Variants in PLEKHA7 observed in about 807,000 individuals in gnomAD.
PLEKHA7 encodes the protein pleckstrin homology domain containing A7.
A neutral mutation model predicts 170.0 loss-of-function variants in PLEKHA7; 104 were observed. The ratio of observed to expected loss-of-function variants is 0.61; its 90% confidence interval spans 0.52 to 0.72. The LOEUF (loss-of-function observed/expected upper bound fraction) is 0.72. PLEKHA7 is among the 30% of genes least tolerant of loss of function. The pLI is 0.00. For synonymous variants in PLEKHA7, 648 were observed against 660.8 expected (o/e 0.98, Z 0.30); for missense variants, 1,615 against 1,671.7 (o/e 0.97, Z 0.59).
At chr11:16,825,173 A>G (rs1224633114) in intron 10 of PLEKHA7, among the ~76,000 whole-genome samples, 2 of 152,272 alleles carry the variant, frequency 1.3e-5, no homozygotes, top group Admixed American at 6.5e-5. Context: ...AGCAACGTAC[A>G]TATGCATAAC....
intron 3 of PLEKHA7, among the ~76,000 whole-genome samples, chr11:16,952,609 C>T (rs1009081866): frequency 6.6e-6 from 1 of 151,912 alleles, no homozygotes; most frequent in African/African-American, 2.4e-5. Flanking sequence ...CGTCATAATA[C>T]AGGTGGAGTG....
chr11:16,928,163 CAG>C (rs1358872812), intron 3 of PLEKHA7, among the ~76,000 whole-genome samples: 1 of 152,098 alleles, frequency 6.6e-6, no homozygotes, highest in African/African-American at 2.4e-5. Flanking sequence ...AACATTAAAA[CAG>C]AATGTGACGG....
At chr11:16,794,436 C>A in intron 19 of PLEKHA7, 52 bp downstream of exon 19, 1 of 1,541,500 alleles carries the variant, frequency 6.5e-7, no homozygotes, top group Non-Finnish European at 9.0e-7. Flanking sequence ...AGAAGGTAAT[C>A]TGAGGACAGA....
intron 6 of PLEKHA7, among the ~76,000 whole-genome samples, chr11:16,854,332 T>C (rs1853245012): frequency 6.6e-6 from 1 of 152,036 alleles, no homozygotes; most frequent in African/African-American, 2.4e-5. Flanking sequence ...GAGAATCTGG[T>C]GATAGTGCTG....
intron 3 of PLEKHA7, among the ~76,000 whole-genome samples, chr11:16,988,368 G>A (rs1863853851): frequency 6.6e-6 from 1 of 152,178 alleles, no homozygotes; most frequent in African/African-American, 2.4e-5. Context: ...GCAGAGGAAT[G>A]GCAGAAGGCA....
At chr11:16,782,076 G>A (rs1473406207) in intron 26 of PLEKHA7, among the ~76,000 whole-genome samples, 2 of 151,372 alleles carry the variant, frequency 1.3e-5, no homozygotes, top group Admixed American at 6.6e-5. Flanking sequence ...TTTATACACA[G>A]ACACACACAC....
In PLEKHA7 at chr11:16,974,626, GTTTTT is replaced by G. The variant is rs397965149; in HGVS notation, c.221+39358_221+39362del. Reference sequence around the variant, plus strand: ...TACAGACCTCACAGAGATTTCACAGGTTTTTTTTTTTTTTTTTTTTGAACATAAAC... The same window carrying G: ...TACAGACCTCACAGAGATTTCACAGGTTTTTTTTTTTTTTTGAACATAAAC... On this transcript the variant is annotated intron_variant, in intron 3 of 26. Coordinates refer to ENST00000531066, the MANE Select transcript of PLEKHA7 (RefSeq NM_001329630.2). The G allele has an allele frequency of 3.8e-3, 569 of 149,038 alleles. 39 individuals carry two copies. Among genetic ancestry groups the G allele is most frequent in the African/African-American group, 8.7e-3 (120 of 13,724 alleles). 9.2% of individuals were successfully genotyped at this position (149,038 alleles called of 1,614,324 possible).
intron 3 of PLEKHA7, among the ~76,000 whole-genome samples, chr11:16,877,876 T>G (rs189536502): frequency 6.6e-6 from 1 of 152,228 alleles, no homozygotes; most frequent in African/African-American, 2.4e-5. Flanking sequence ...GTTGTTGTGA[T>G]GATAAAATGA....
intron 26 of PLEKHA7, among the ~76,000 whole-genome samples, chr11:16,779,474 C>T (rs1420047276): frequency 6.6e-6 from 1 of 152,184 alleles, no homozygotes; most frequent in Non-Finnish European, 1.5e-5. Flanking sequence ...GGCACCAAAA[C>T]CCAGGAGGAA....
intron 26 of PLEKHA7, among the ~76,000 whole-genome samples, chr11:16,781,564 AG>A (rs1450264286): frequency 6.6e-6 from 1 of 152,192 alleles, no homozygotes. Context: ...CCCTAATCCC[AG>A]AACACCACAC....
Position 16,791,361 on chromosome 11 carries a change from G to C in PLEKHA7, c.2746-162C>G, listed in dbSNP as rs975285237. On this transcript the variant is annotated intron_variant, in intron 19 of 26. Transcript: ENST00000531066. The surrounding 1 kb of genome is among the most constrained non-coding windows in gnomAD (Gnocchi z 4.5). ...GAGCACTCACACTTCCCCTGGCGGA[G>C]CAGTGAAGAAGGGACATGCTCTGCT... The C allele has an allele frequency of 1.7e-5, 11 of 664,370 alleles. No homozygotes were observed. The highest frequency in any genetic ancestry group is 2.6e-5 in the Non-Finnish European group (10 of 387,532). The allele number at this position is 664,370 out of a possible 1,614,324, so 41.2% of individuals were successfully genotyped here. A position where few individuals can be genotyped will look rare whatever the true frequency, so the allele number is the denominator to read the frequency against.
chr11:16,913,260 A>G (rs972295793), intron 3 of PLEKHA7, among the ~76,000 whole-genome samples: 1 of 152,128 alleles, frequency 6.6e-6, no homozygotes. Flanking sequence ...TCCCCCAAAG[A>G]ATGAATCTGA....
intron 4 of PLEKHA7, among the ~76,000 whole-genome samples, chr11:16,857,673 G>A (rs1853581682): frequency 6.6e-6 from 1 of 152,232 alleles, no homozygotes; most frequent in Admixed American, 6.5e-5. Context: ...TAAAATTCAG[G>A]ACACAAGGTC....
chr11:16,888,745 G>A (rs572922682), intron 3 of PLEKHA7, among the ~76,000 whole-genome samples: 1 of 152,056 alleles, frequency 6.6e-6, no homozygotes, highest in South Asian at 2.1e-4. Context: ...GAAAACCAGA[G>A]ACCCTTGTTC....
In PLEKHA7 at chr11:16,831,359, C is replaced by T. The variant is rs543316998; in HGVS notation, c.873-4769G>A. On this transcript the variant is annotated intron_variant, in intron 9 of 26. Transcript: ENST00000531066. ...CACATGACCTCTCAAATTTGTGACA[C>T]TTGTCACAAAACAGATCTGCAATGC... Among the ~76,000 whole-genome samples the T allele has an allele frequency of 2.0e-5, 3 of 152,302 alleles. 1 individual carries two copies. In the East Asian group the frequency reaches 5.8e-4, roughly 29 times the overall value.
chr11:17,012,124 C>A (rs963478609), intron 3 of PLEKHA7, among the ~76,000 whole-genome samples: 1 of 152,210 alleles, frequency 6.6e-6, no homozygotes, highest in African/African-American at 2.4e-5. Context: ...CCTCCCCCTG[C>A]AGTGGCCACC....
intron 3 of PLEKHA7, among the ~76,000 whole-genome samples, chr11:16,929,560 T>C (rs1166724569): frequency 4.6e-5 from 7 of 152,240 alleles, no homozygotes; most frequent in Non-Finnish European, 8.8e-5. Flanking sequence ...AAGACTGGGC[T>C]CAGTAATAAC....
At position 16,826,479 on chromosome 11, in the gene PLEKHA7, G is replaced by A. The variant is rs754341131; in HGVS notation, c.984C>T (p.Gly328=). ...TCTCGAAGTTGACAATGTCATCATG[G>A]CCACGATGAGGACAATCTCTCGTAT... ...PGHTRDCPHR[G]HDDIVNFERQ... Residue 328 remains glycine, a synonymous_variant, in exon 10 of 27, where the codon GGC becomes GGT. Coordinates refer to ENST00000531066, the MANE Select transcript of PLEKHA7 (RefSeq NM_001329630.2). 1 of 1,614,216 alleles carries A rather than the reference G, an allele frequency of 6.2e-7. No homozygotes were observed. Among genetic ancestry groups the A allele is most frequent in the South Asian group, 1.1e-5 (1 of 91,084 alleles).
intron 3 of PLEKHA7, among the ~76,000 whole-genome samples, chr11:16,998,508 T>C (rs1864472068): frequency 6.6e-6 from 1 of 152,186 alleles, no homozygotes; most frequent in Non-Finnish European, 1.5e-5. Flanking sequence ...AATATCTATG[T>C]ATTCACAGAA....
Sources: gnomAD v4.1 joint callset for allele counts (sites outside exome capture counted in the v4.1 genomes callset) on GRCh38, gnomAD v4.1.1 for gene constraint, Gnocchi (gnomAD v3.1) non-coding constraint, MANE v1.5 for transcripts, NCBI Gene and HGNC (gene_info 2026-07-23, HGNC 2026-07-21) for gene names.